Variants in SNX29 observed in about 807,000 individuals in gnomAD.
SNX29 encodes the protein sorting nexin-29.
SNX29 carries 78 observed loss-of-function variants against 102.1 expected under a neutral mutation model. The ratio of observed to expected loss-of-function variants is 0.76; its 90% confidence interval spans 0.64 to 0.92. SNX29 has a LOEUF of 0.92. SNX29 is among the 40% of genes least tolerant of loss of function. SNX29 has a pLI of 0.00. For synonymous variants in SNX29, 580 were observed against 414.5 expected (o/e 1.40, Z -4.85); for missense variants, 1,280 against 1,061.7 (o/e 1.21, Z -2.86).
chr16:12,118,313 C>CTTTCTTTTTTTTTGTTTTTTTTT (rs1286174976), intron 11 of SNX29, among the ~76,000 whole-genome samples: 1 of 86,114 alleles, frequency 1.2e-5, no homozygotes, highest in East Asian at 5.3e-4. Context: ...TACAGACCAC[C>CTTTCTTTTTTTTTGTTTTTTTTT]TTTTTTTTTT....
chr16:12,044,760 A>C (rs1483930971), intron 5 of SNX29, among the ~76,000 whole-genome samples: 3 of 152,060 alleles, frequency 2.0e-5, no homozygotes, highest in African/African-American at 7.2e-5. Context: ...TTGTATTTTT[A>C]GTAGAGACGG....
rs577703133 is a variant in SNX29 at position 12,312,048 on chromosome 16, G to C, written c.1782+34012G>C. Among the ~76,000 whole-genome samples the C allele has an allele frequency of 7.9e-5, 12 of 152,284 alleles. 1 individual carries two copies. Among genetic ancestry groups the C allele is most frequent in the African/African-American group, 1.4e-4 (6 of 41,556 alleles). The stretch of plus-strand genomic sequence containing the variant: ...CTCACATCACTAATTTCCACATCCT[G>C]CTGGGCAGAGTTTAGCTACTCAGGT... On this transcript the variant is annotated intron_variant, in intron 15 of 20. Transcript: ENST00000566228.
chr16:12,489,829 T>G (rs1473190552), intron 19 of SNX29, among the ~76,000 whole-genome samples: 1 of 152,148 alleles, frequency 6.6e-6, no homozygotes, highest in Non-Finnish European at 1.5e-5. Context: ...TTTTCGAGAT[T>G]GCGTCTCACT....
chr16:11,999,178 T>G, intron 1 of SNX29, 119 bp from the exon 2 acceptor site: 1 of 823,898 alleles, frequency 1.2e-6, no homozygotes, highest in Non-Finnish European at 1.9e-6. Context: ...ATGATACAGA[T>G]TATTGATACC....
chr16:12,542,143 C>G (rs149709927), intron 20 of SNX29, among the ~76,000 whole-genome samples: 2 of 152,160 alleles, frequency 1.3e-5, no homozygotes, highest in Non-Finnish European at 2.9e-5. Context: ...ATTCAGCCCA[C>G]GCTACCTGGG....
chr16:11,980,046 C>G (rs886655073), intron 1 of SNX29, among the ~76,000 whole-genome samples: 49 of 152,148 alleles, frequency 3.2e-4, no homozygotes, highest in African/African-American at 1.1e-3. Flanking sequence ...TCTCCCTCAC[C>G]TCCTGTTTAT....
At chr16:12,547,091 G>C (rs560379902) in intron 20 of SNX29, among the ~76,000 whole-genome samples, 1 of 152,328 alleles carries the variant, frequency 6.6e-6, no homozygotes, top group Admixed American at 6.5e-5. Context: ...TATGTGAGGT[G>C]GCGATTTCCA....
intron 15 of SNX29, among the ~76,000 whole-genome samples, chr16:12,324,358 A>G (rs775824090): frequency 6.6e-6 from 1 of 151,930 alleles, no homozygotes; most frequent in Non-Finnish European, 1.5e-5. Flanking sequence ...GAGTGTCCAA[A>G]CAGGATGACC....
intron 13 of SNX29, among the ~76,000 whole-genome samples, chr16:12,177,136 C>A (rs2076278389): frequency 1.3e-5 from 2 of 151,960 alleles, no homozygotes; most frequent in South Asian, 4.1e-4. Context: ...TTTGTAGAGA[C>A]ATGGTCTCCT....
At chr16:12,050,715 C>T (rs2050263138) in intron 7 of SNX29, among the ~76,000 whole-genome samples, 1 of 151,876 alleles carries the variant, frequency 6.6e-6, no homozygotes. Context: ...TTATTTCTGC[C>T]ACTTTTTTTT....
chr16:12,037,173 C>G (rs1165234592), intron 4 of SNX29, among the ~76,000 whole-genome samples: 1 of 152,210 alleles, frequency 6.6e-6, no homozygotes, highest in African/African-American at 2.4e-5. Flanking sequence ...CATGCGATCT[C>G]TATCGCAGTG....
At chr16:12,263,436 T>A (rs2078838726) in intron 14 of SNX29, among the ~76,000 whole-genome samples, 1 of 152,092 alleles carries the variant, frequency 6.6e-6, no homozygotes, top group African/African-American at 2.4e-5. Context: ...CCCCAACATC[T>A]TGAATAGTTG....
Position 12,403,192 on chromosome 16 carries a change from TTGTGTGTGTATGTG to T in SNX29, c.1956-246_1956-233del, listed in dbSNP as rs1166671263. Among the ~76,000 whole-genome samples the T allele has an allele frequency of 6.2e-3, 804 of 129,694 alleles. 5 individuals are homozygous for T. Among genetic ancestry groups the T allele is most frequent in the East Asian group, 0.029 (125 of 4,372 alleles). 85.1% of individuals were successfully genotyped at this position (129,694 alleles called of 152,430 possible). ...GCTCTTTCACATTCCGGAGTACAGA[TTGTGTGTGTATGTG>T]TGTGTGTGTGTGTGTGTGTGTGTGT... is the stretch of plus-strand genomic sequence containing the variant. On this transcript the variant is annotated intron_variant, in intron 17 of 20. Transcript: ENST00000566228.
At chr16:12,246,516 C>T (rs1286624660) in intron 14 of SNX29, among the ~76,000 whole-genome samples, 1 of 152,096 alleles carries the variant, frequency 6.6e-6, no homozygotes, top group African/African-American at 2.4e-5. Flanking sequence ...TGGCACACTC[C>T]TGTAATCCCA....
At chr16:12,258,101 C>G (rs1257664937) in intron 14 of SNX29, among the ~76,000 whole-genome samples, 1 of 152,168 alleles carries the variant, frequency 6.6e-6, no homozygotes, top group Non-Finnish European at 1.5e-5. Flanking sequence ...CACACAGCAG[C>G]CAGAGTGGTT....
At chr16:12,547,638 GA>G (rs1277827422) in intron 20 of SNX29, among the ~76,000 whole-genome samples, 3 of 152,078 alleles carry the variant, frequency 2.0e-5, no homozygotes, top group African/African-American at 7.2e-5. Flanking sequence ...CCATGGGATG[GA>G]GATATGATTC....
At chr16:12,320,513 G>A (rs890984421) in intron 15 of SNX29, among the ~76,000 whole-genome samples, 1 of 152,212 alleles carries the variant, frequency 6.6e-6, no homozygotes, top group African/African-American at 2.4e-5. Flanking sequence ...ACCGTGACAC[G>A]TTACTGGTGC....
At chr16:12,471,752 C>CT (rs1408180646) in intron 18 of SNX29, among the ~76,000 whole-genome samples, 2 of 152,212 alleles carry the variant, frequency 1.3e-5, no homozygotes, top group Non-Finnish European at 2.9e-5. Context: ...GTGTATCAAT[C>CT]TTAAGTTTAT....
chr16:12,016,197 A>G (rs1473119301), intron 3 of SNX29, among the ~76,000 whole-genome samples: 3 of 152,220 alleles, frequency 2.0e-5, no homozygotes, highest in Non-Finnish European at 4.4e-5. Flanking sequence ...GCTACATTGC[A>G]TTGCATGTTG....
Sources: gnomAD v4.1 joint callset for allele counts (sites outside exome capture counted in the v4.1 genomes callset) on GRCh38, gnomAD v4.1.1 for gene constraint, MANE v1.5 for transcripts, NCBI Gene and HGNC (gene_info 2026-07-23, HGNC 2026-07-21) for gene names.